WWP2: variants seen among roughly 807,000 people sequenced by gnomAD.
The protein encoded by WWP2 is WW domain containing E3 ubiquitin protein ligase 2, also known as NEDD4-like E3 ubiquitin-protein ligase WWP2.
WWP2 carries 57 observed loss-of-function variants against 121.0 expected under a neutral mutation model. The ratio of observed to expected loss-of-function variants is 0.47; its 90% CI spans 0.38 to 0.59. WWP2 has a LOEUF of 0.59. Among genes scored for constraint, WWP2 ranks in the 20% least tolerant of loss-of-function variants. The pLI, the probability that WWP2 is intolerant of heterozygous loss-of-function variation, is 0.00. For missense variants in WWP2, 962 were observed against 1,158.9 expected (o/e 0.83, Z 2.47); for synonymous variants, 449 against 441.3 (o/e 1.02, Z -0.22).
At chr16:69,788,963 T>A (rs1237305483) in intron 2 of WWP2, among the ~76,000 whole-genome samples, 3 of 152,182 alleles carry the variant, frequency 2.0e-5, no homozygotes, top group African/African-American at 7.2e-5. Context: ...GAGGCAAAAT[T>A]GTGTCTCTTG....
In WWP2 at chr16:69,842,082, C is replaced by G; in HGVS notation, c.537C>G (p.His179Gln). ...SGTAVAPENRHQPPSTNCFGG... is the reference protein window; with the variant it reads ...SGTAVAPENRQQPPSTNCFGG... ...CAGCAGTAGCTCCAGAGAACCGGCA[C>G]CAGCCCCCCAGCACAAACTGCTTTG... Residue 179 changes from histidine to glutamine, a missense_variant, in exon 6 of 24, where the codon CAC becomes CAG. Transcript: ENST00000359154. 1 of 1,613,392 alleles carries G rather than the reference C, an allele frequency of 6.2e-7. No homozygotes were observed. The highest frequency in any genetic ancestry group is 8.5e-7 in the Non-Finnish European group (1 of 1,179,794).
At chr16:69,782,999 G>A (rs559098012) in intron 1 of WWP2, 12 of 149,286 alleles carry the variant, frequency 8.0e-5, no homozygotes, top group South Asian at 6.4e-4. Context: ...TCATATGAAG[G>A]GCTTTTGTCC....
Position 69,903,612 on chromosome 16 carries a change from A to C in WWP2, c.915-5149A>C, listed in dbSNP as rs538052641. Among the ~76,000 whole-genome samples the C allele has an allele frequency of 9.2e-5, 14 of 152,070 alleles. No individual in the cohort carries two copies. The South Asian group carries it at 2.7e-3, about 29-fold the overall frequency. On this transcript the variant is annotated intron_variant, in intron 8 of 23. Coordinates refer to ENST00000359154, the MANE Select transcript of WWP2 (RefSeq NM_001270454.2). ...TGAAACCCCATCTCTACTAAAATAC[A>C]AAAAAATTAGCCAGGTGTGGTGGCG...
chr16:69,778,730 C>G (rs929175181), intron 1 of WWP2, among the ~76,000 whole-genome samples: 1 of 151,604 alleles, frequency 6.6e-6, no homozygotes, highest in Non-Finnish European at 1.5e-5. Flanking sequence ...CAACGTCCAC[C>G]TCCCGGGTTC....
intron 6 of WWP2, among the ~76,000 whole-genome samples, chr16:69,842,914 C>T (rs1361459045): frequency 1.3e-5 from 2 of 152,148 alleles, no homozygotes; most frequent in African/African-American, 4.8e-5. Context: ...ACCGATTCTC[C>T]TGTCCTGGCC....
chr16:69,806,867 C>T (rs1199054702), intron 4 of WWP2, among the ~76,000 whole-genome samples: 8 of 151,960 alleles, frequency 5.3e-5, no homozygotes, highest in East Asian at 3.8e-4. Context: ...TTGTCAGATA[C>T]CATATTTTGT....
intron 4 of WWP2, among the ~76,000 whole-genome samples, chr16:69,829,413 A>G (rs1237047862): frequency 1.3e-5 from 2 of 152,212 alleles, no homozygotes; most frequent in African/African-American, 4.8e-5. Context: ...GTCACAAGGC[A>G]TTGCAATGTC....
At chr16:69,897,863 G>A (rs891190376) in intron 8 of WWP2, among the ~76,000 whole-genome samples, 1 of 151,540 alleles carries the variant, frequency 6.6e-6, no homozygotes, top group African/African-American at 2.4e-5. Context: ...AGCCGAGATC[G>A]TACCACTGCA....
At chr16:69,859,100 C>G (rs2057370210) in intron 6 of WWP2, among the ~76,000 whole-genome samples, 2 of 152,220 alleles carry the variant, frequency 1.3e-5, no homozygotes, top group African/African-American at 2.4e-5. Flanking sequence ...ACCACAAACT[C>G]AGGGCTTAAA....
At chr16:69,780,600 C>T (rs983422388) in intron 1 of WWP2, among the ~76,000 whole-genome samples, 1 of 152,204 alleles carries the variant, frequency 6.6e-6, no homozygotes, top group African/African-American at 2.4e-5. Flanking sequence ...TGAGACTTCT[C>T]TCCAACACTA....
At chr16:69,939,549 G>T in intron 23 of WWP2, 136 bp downstream of exon 23, 1 of 864,362 alleles carries the variant, frequency 1.2e-6, no homozygotes. Flanking sequence ...GGGTTGGAGA[G>T]ATGGGGCTGT....
chr16:69,822,452 C>G (rs1296446697), intron 4 of WWP2, among the ~76,000 whole-genome samples: 1 of 152,146 alleles, frequency 6.6e-6, no homozygotes, highest in Non-Finnish European at 1.5e-5. Context: ...GCAAACTATT[C>G]CAGTTGTGAC....
intron 8 of WWP2, among the ~76,000 whole-genome samples, chr16:69,893,426 A>G (rs2058060731): frequency 6.6e-6 from 1 of 152,184 alleles, no homozygotes; most frequent in Non-Finnish European, 1.5e-5. Flanking sequence ...TGCCTCAAAG[A>G]AAGAACAGCT....
chr16:69,777,928 A>C (rs1011583426), intron 1 of WWP2, among the ~76,000 whole-genome samples: 4 of 150,340 alleles, frequency 2.7e-5, no homozygotes, highest in Non-Finnish European at 4.4e-5. Context: ...AAATTAGGTG[A>C]GTCTGGTGGC....
chr16:69,870,552 T>C (rs1256794281), intron 6 of WWP2, among the ~76,000 whole-genome samples: 1 of 152,174 alleles, frequency 6.6e-6, no homozygotes, highest in Non-Finnish European at 1.5e-5. Flanking sequence ...CCTCCCGCCT[T>C]GGCCTCCCAA....
Position 69,828,036 on chromosome 16 carries a change from G to A in WWP2, c.341-12090G>A, listed in dbSNP as rs575102167. On this transcript the variant is annotated intron_variant, in intron 4 of 23. Transcript: ENST00000359154. ...CCTTGTTACGTGGGTGACTGTAATG[G>A]GTAACTGGTGCTGAATTGTGTGTGC... The A allele has an allele frequency of 7.5e-6, 3 of 399,660 alleles. No homozygotes were observed. In the Admixed American group the frequency reaches 9.6e-5, roughly 13 times the overall value. 24.8% of individuals were successfully genotyped at this position (399,660 alleles called of 1,614,324 possible). A position where few individuals can be genotyped will look rare whatever the true frequency, so the allele number is the denominator to read the frequency against.
intron 5 of WWP2, among the ~76,000 whole-genome samples, chr16:69,841,464 T>G (rs1479087043): frequency 6.6e-6 from 1 of 151,930 alleles, no homozygotes; most frequent in African/African-American, 2.4e-5. Context: ...GTGGTTGGAT[T>G]ATTAGGAGCA....
intron 6 of WWP2, among the ~76,000 whole-genome samples, chr16:69,846,259 G>GA (rs948281812): frequency 9.2e-5 from 14 of 152,058 alleles, no homozygotes; most frequent in Admixed American, 3.3e-4. Flanking sequence ...AAAAATGGGT[G>GA]AAAAATGGTT....
intron 8 of WWP2, among the ~76,000 whole-genome samples, chr16:69,901,452 G>A (rs1310551005): frequency 5.9e-5 from 9 of 151,994 alleles, no homozygotes; most frequent in African/African-American, 1.5e-4. Flanking sequence ...TTGCTCTGTC[G>A]CCCAGTCTGG....
Sources: allele counts gnomAD v4.1 joint callset (sites outside exome capture counted in the v4.1 genomes callset), GRCh38; gene constraint gnomAD v4.1.1; transcripts MANE v1.5; gene names NCBI Gene and HGNC (gene_info 2026-07-23, HGNC 2026-07-21).